The following DOCK2 variants were observed in gnomAD, a reference collection of about 807,000 sequenced individuals.
DOCK2 encodes dedicator of cytokinesis protein 2.
A neutral mutation model predicts 248.9 loss-of-function variants in DOCK2; 87 were observed. The observed-to-expected ratio is 0.35, with a 90% CI of 0.29 to 0.42. The LOEUF (loss-of-function observed/expected upper bound fraction) is 0.42, where lower values mean the gene tolerates loss of function less well. Among genes scored for constraint, DOCK2 ranks in the 10% least tolerant of loss-of-function variants. The pLI is 1.00. For synonymous variants in DOCK2, 805 were observed against 821.6 expected, an observed-to-expected ratio of 0.98 and a Z score of 0.35; for missense variants, 1,747 against 2,300.2, an observed-to-expected ratio of 0.76 and a Z score of 4.92.
intron 26 of DOCK2, among the ~76,000 whole-genome samples, chr5:169,835,680 A>G (rs893950351): frequency 2.6e-5 from 4 of 152,178 alleles, no homozygotes; most frequent in Admixed American, 2.6e-4. Flanking sequence ...AACAATTACA[A>G]CAGCTTAAAG....
At chr5:169,758,340 G>A (rs998336555) in intron 23 of DOCK2, among the ~76,000 whole-genome samples, 2 of 152,214 alleles carry the variant, frequency 1.3e-5, no homozygotes, top group African/African-American at 4.8e-5. Context: ...TTAACTAACA[G>A]TGGTCCTCCC....
At chr5:169,948,715 C>T (rs565098264) in intron 27 of DOCK2, among the ~76,000 whole-genome samples, 2 of 151,316 alleles carry the variant, frequency 1.3e-5, no homozygotes, top group Middle Eastern at 3.4e-3. Context: ...ATGGACTAAG[C>T]GATTCTCCCA....
At chr5:169,911,491 C>T (rs1264498446) in intron 27 of DOCK2, among the ~76,000 whole-genome samples, 3 of 152,150 alleles carry the variant, frequency 2.0e-5, no homozygotes, top group Admixed American at 1.3e-4. Flanking sequence ...TGGCCAGTGA[C>T]ATTTTTCCAA....
At chr5:170,049,044 G>A (rs1756816430) in intron 40 of DOCK2, among the ~76,000 whole-genome samples, 1 of 152,178 alleles carries the variant, frequency 6.6e-6, no homozygotes, top group South Asian at 2.1e-4. Context: ...GGAAGTAGAG[G>A]TGGCTTCCCA....
intron 29 of DOCK2, among the ~76,000 whole-genome samples, chr5:169,986,550 A>G (rs927546685): frequency 6.6e-6 from 1 of 152,242 alleles, no homozygotes; most frequent in African/African-American, 2.4e-5. Flanking sequence ...AAACAATTTC[A>G]GTCTCTGCTC....
chr5:169,876,157 C>T (rs1772321829), intron 27 of DOCK2, among the ~76,000 whole-genome samples: 1 of 152,178 alleles, frequency 6.6e-6, no homozygotes, highest in African/African-American at 2.4e-5. Context: ...GATCCTCTGG[C>T]CTCCCTCTTT....
At chr5:169,937,346 T>G (rs1776041392) in intron 27 of DOCK2, among the ~76,000 whole-genome samples, 1 of 152,210 alleles carries the variant, frequency 6.6e-6, no homozygotes, top group Non-Finnish European at 1.5e-5. Context: ...GATCTATGGT[T>G]CCCTGGGTGT....
At chr5:170,075,363 A>C (rs1336948359) in intron 46 of DOCK2, 1 of 152,442 alleles carries the variant, frequency 6.6e-6, no homozygotes, top group Admixed American at 6.5e-5. Flanking sequence ...CATCTTCCTA[A>C]GGCTTTTATT....
intron 27 of DOCK2, among the ~76,000 whole-genome samples, chr5:169,919,251 C>T (rs1325945748): frequency 1.3e-5 from 2 of 152,186 alleles, no homozygotes; most frequent in African/African-American, 4.8e-5. Flanking sequence ...GTCACACCAT[C>T]GATATGGGGC....
chr5:169,883,615 A>G lies in DOCK2; in HGVS notation c.2799+42763A>G, dbSNP rs893287203. ...GAGACTGGGGGAAGTTTGGATTGCA[A>G]TGTTGCGAAAGCCCCCTGCCTTCTG... On this transcript the variant is annotated intron_variant, in intron 27 of 51. Coordinates refer to ENST00000520908, the MANE Select transcript of DOCK2 (RefSeq NM_004946.3). The G allele has an allele frequency of 5.2e-6, 8 of 1,551,436 alleles. No individual in the cohort carries two copies. The highest frequency in any genetic ancestry group is 7.0e-6 in the Non-Finnish European group (8 of 1,146,934).
intron 26 of DOCK2, among the ~76,000 whole-genome samples, chr5:169,810,317 A>G (rs261018): frequency 0.023 from 3,521 of 152,258 alleles, 134 homozygotes; most frequent in African/African-American, 0.079. Context: ...TTCATAACAC[A>G]TCATCTTCAT....
chr5:169,861,010 T>C (rs1771164984), intron 27 of DOCK2, among the ~76,000 whole-genome samples: 2 of 152,340 alleles, frequency 1.3e-5, no homozygotes, highest in South Asian at 4.1e-4. Flanking sequence ...ACTGGATAAA[T>C]TAGAGTTCAG....
At chr5:169,927,036 G>A in intron 27 of DOCK2, among the ~76,000 whole-genome samples, 1 of 152,200 alleles carries the variant, frequency 6.6e-6, no homozygotes, top group Admixed American at 6.5e-5. Flanking sequence ...CATATAAAGT[G>A]CTTCCCAGGG....
At chr5:169,936,950 A>G (rs1466786120) in intron 27 of DOCK2, among the ~76,000 whole-genome samples, 1 of 152,222 alleles carries the variant, frequency 6.6e-6, no homozygotes, top group East Asian at 1.9e-4. Context: ...TCTCAATCCC[A>G]GACTGGGTTT....
chr5:169,822,906 C>T (rs1768566680), intron 26 of DOCK2, among the ~76,000 whole-genome samples: 1 of 151,894 alleles, frequency 6.6e-6, no homozygotes, highest in Admixed American at 6.6e-5. Context: ...GGGAAGAATC[C>T]AATAGACACA....
chr5:169,729,165 G>A (rs1177316174), intron 22 of DOCK2, among the ~76,000 whole-genome samples: 6 of 152,242 alleles, frequency 3.9e-5, no homozygotes, highest in East Asian at 1.9e-4. Flanking sequence ...CCCCTGTAAC[G>A]AAATATGAAC....
rs368378335 is a variant in DOCK2 at position 169,698,417 on chromosome 5, T to G, written c.1023T>G (p.Asp341Glu). Residue 341 changes from aspartate (D) to glutamate (E), a missense_variant, in exon 11 of 52, where the codon GAT becomes GAG. This residue lies in a region of DOCK2 where 375 missense variants were observed against 510.9 expected (regional missense o/e 0.73). Transcript: ENST00000520908. ...TCATCAAGGGGAAAGCAGAGAGTGA[T>G]GAAGAAAAGCAGCACTTCATTCCTT... Reference protein sequence around the residue: ...TDIIKGKAESDEEKQHFIPFH... With the variant: ...TDIIKGKAESEEEKQHFIPFH... 34 of 1,614,010 alleles carry G rather than the reference T, an allele frequency of 2.1e-5. No homozygotes were observed. The African/African-American group carries it at 4.4e-4, about 21-fold the overall frequency.
intron 25 of DOCK2, among the ~76,000 whole-genome samples, chr5:169,786,333 C>T (rs1349739005): frequency 6.6e-6 from 1 of 152,146 alleles, no homozygotes; most frequent in African/African-American, 2.4e-5. Flanking sequence ...ATTTGGGAAG[C>T]TTGGGGTGTG....
chr5:169,930,477 T>A (rs1015514952), intron 27 of DOCK2, among the ~76,000 whole-genome samples: 26 of 152,250 alleles, frequency 1.7e-4, no homozygotes, highest in African/African-American at 6.3e-4. Flanking sequence ...TCCTCTGAAA[T>A]GTGAGCTTCA....
Sources: gnomAD v4.1 joint callset for allele counts (sites outside exome capture counted in the v4.1 genomes callset) on GRCh38, gnomAD v4.1.1 for gene constraint, gnomAD v4.1.1 regional missense constraint, MANE v1.5 for transcripts, NCBI Gene and HGNC (gene_info 2026-07-23, HGNC 2026-07-21) for gene names.